The following DCC variants were observed in gnomAD, a reference collection of about 807,000 sequenced individuals.
DCC encodes DCC netrin 1 receptor, also known as netrin receptor DCC.
A neutral mutation model predicts 172.5 loss-of-function variants in DCC; 58 were observed. That is an observed-to-expected ratio of 0.34 (90% confidence interval 0.27 to 0.42). The LOEUF is 0.42. Among genes scored for constraint, DCC ranks in the 10% least tolerant of loss-of-function variants. The pLI, the probability that DCC is intolerant of heterozygous loss-of-function variation, is 1.00. For missense variants in DCC, 1,740 were observed against 1,791.0 expected (o/e 0.97, Z 0.51); for synonymous variants, 709 against 644.5 (o/e 1.10, Z -1.52).
At chr18:53,082,987 A>G (rs1476723060) in intron 7 of DCC, among the ~76,000 whole-genome samples, 1 of 151,706 alleles carries the variant, frequency 6.6e-6, no homozygotes, top group Non-Finnish European at 1.5e-5. Context: ...TTTGTTCTTC[A>G]TGCTAGATTC....
chr18:53,372,071 TAAAAG>T (rs1326946678), intron 15 of DCC, among the ~76,000 whole-genome samples: 2 of 152,066 alleles, frequency 1.3e-5, no homozygotes, highest in Non-Finnish European at 2.9e-5. Flanking sequence ...TCAAAGGACT[TAAAAG>T]AGAATTACCA....
At chr18:52,819,441 T>C (rs1192125214) in intron 2 of DCC, among the ~76,000 whole-genome samples, 1 of 152,198 alleles carries the variant, frequency 6.6e-6, no homozygotes, top group African/African-American at 2.4e-5. Flanking sequence ...AGCTGAAAAT[T>C]ATATATCTGG....
At chr18:52,980,261 G>A (rs2041188107) in intron 5 of DCC, among the ~76,000 whole-genome samples, 2 of 152,120 alleles carry the variant, frequency 1.3e-5, no homozygotes, top group South Asian at 4.2e-4. Context: ...CATGGTCTGT[G>A]CAATGCATTG....
chr18:52,752,186 A>G lies in DCC; in HGVS notation c.224A>G (p.Lys75Arg). 6 of 1,614,180 alleles carry G rather than the reference A, an allele frequency of 3.7e-6. No homozygotes were observed. Among genetic ancestry groups the G allele is most frequent in the Non-Finnish European group, 5.1e-6 (6 of 1,180,036 alleles). Residue 75 changes from lysine (K) to arginine (R), a missense_variant, in exon 2 of 29, where the codon AAG becomes AGG. Around this residue, in one of 2 missense-constraint regions of DCC, gnomAD observed 1,732 missense variants for 1,767.4 expected, o/e 0.98. Transcript: ENST00000442544. The part of the protein sequence containing the change: ...SDRGVPVIKW[K>R]KDGIHLALGM... Reference sequence around the variant, plus strand: ...CGAGGAGTTCCAGTGATCAAGTGGAAGAAAGATGGCATTCATCTGGCCTTG... The same window carrying G: ...CGAGGAGTTCCAGTGATCAAGTGGAGGAAAGATGGCATTCATCTGGCCTTG...
At chr18:53,132,791 C>T (rs928077946) in intron 7 of DCC, among the ~76,000 whole-genome samples, 1 of 152,060 alleles carries the variant, frequency 6.6e-6, no homozygotes, top group Non-Finnish European at 1.5e-5. Flanking sequence ...GTAGCAATTC[C>T]AGAGTCCTCC....
chr18:52,683,326 G>T, intron 1 of DCC, among the ~76,000 whole-genome samples: 1 of 152,088 alleles, frequency 6.6e-6, no homozygotes, highest in Non-Finnish European at 1.5e-5. Flanking sequence ...GGAGTGGGCA[G>T]TTGGTATTCT....
intron 27 of DCC, among the ~76,000 whole-genome samples, chr18:53,501,851 T>C (rs1397404788): frequency 6.6e-6 from 1 of 151,250 alleles, no homozygotes; most frequent in Non-Finnish European, 1.5e-5. Flanking sequence ...GATTTGATGA[T>C]AGATGGAGCA....
chr18:52,819,113 A>G (rs1040087453), intron 2 of DCC, among the ~76,000 whole-genome samples: 2 of 152,158 alleles, frequency 1.3e-5, no homozygotes, highest in African/African-American at 4.8e-5. Flanking sequence ...TTTTGCATGT[A>G]GGTAACCCCT....
chr18:53,240,026 T>TAAAAAAAAAAAAAAAAAAAAAAAAAAAAA (rs68158437), intron 12 of DCC, among the ~76,000 whole-genome samples: 2 of 69,072 alleles, frequency 2.9e-5, no homozygotes, highest in Non-Finnish European at 6.0e-5. Flanking sequence ...GTTCTAGAGT[T>TAAAAAAAAAAAAAAAAAAAAAAAAAAAAA]AAAAAAAAAA....
intron 1 of DCC, among the ~76,000 whole-genome samples, chr18:52,341,256 C>G (rs576001707): frequency 3.9e-5 from 6 of 152,210 alleles, no homozygotes; most frequent in African/African-American, 1.4e-4. Flanking sequence ...ATTGGGGCAA[C>G]AGGAGCAGGC....
intron 5 of DCC, among the ~76,000 whole-genome samples, chr18:52,946,397 CT>C (rs2040545623): frequency 6.6e-6 from 1 of 152,192 alleles, no homozygotes; most frequent in South Asian, 2.1e-4. Context: ...TATTTCCCTT[CT>C]GTACTACGTA....
chr18:52,420,180 C>T (rs767260936), intron 1 of DCC, among the ~76,000 whole-genome samples: 7 of 152,126 alleles, frequency 4.6e-5, no homozygotes, highest in Non-Finnish European at 7.3e-5. Context: ...GGGGATGTTG[C>T]ATAGATTGGG....
intron 15 of DCC, among the ~76,000 whole-genome samples, chr18:53,340,344 A>G (rs2057644437): frequency 6.6e-6 from 1 of 152,194 alleles, no homozygotes; most frequent in South Asian, 2.1e-4. Flanking sequence ...TTTAACCTTG[A>G]AATATCTAGT....
intron 1 of DCC, chr18:52,419,356 T>C (rs1364939001): frequency 6.6e-6 from 1 of 152,128 alleles, no homozygotes; most frequent in African/African-American, 2.4e-5. Context: ...AAGCAGCTAC[T>C]GGCAATGCAC....
intron 27 of DCC, among the ~76,000 whole-genome samples, chr18:53,524,958 T>C (rs962970851): frequency 2.3e-4 from 35 of 151,932 alleles, no homozygotes; most frequent in African/African-American, 8.0e-4. Context: ...AATAGTAATA[T>C]ATAATATTAT....
chr18:53,209,358 C>T (rs2055710062), intron 11 of DCC, among the ~76,000 whole-genome samples: 2 of 152,076 alleles, frequency 1.3e-5, no homozygotes, highest in African/African-American at 4.8e-5. Flanking sequence ...TAGCGATAGG[C>T]CCTTGTGAAT....
At chr18:52,444,920 G>A (rs1988075694) in intron 1 of DCC, among the ~76,000 whole-genome samples, 1 of 152,168 alleles carries the variant, frequency 6.6e-6, no homozygotes, top group Non-Finnish European at 1.5e-5. Context: ...CAGACACACA[G>A]TGGATCACTA....
intron 19 of DCC, among the ~76,000 whole-genome samples, chr18:53,404,284 A>G (rs1368140991): frequency 2.0e-5 from 3 of 150,988 alleles, no homozygotes; most frequent in Non-Finnish European, 4.4e-5. Context: ...AAGGAAAAAT[A>G]AGTCATATTC....
chr18:52,491,139 T>A (rs1433962733), intron 1 of DCC, among the ~76,000 whole-genome samples: 2 of 152,056 alleles, frequency 1.3e-5, no homozygotes, highest in Admixed American at 6.6e-5. Context: ...TTTTACTAAG[T>A]TTTTTCCTCT....
Sources: gnomAD v4.1 joint callset for allele counts (sites outside exome capture counted in the v4.1 genomes callset) on GRCh38, gnomAD v4.1.1 for gene constraint, gnomAD v4.1.1 regional missense constraint, MANE v1.5 for transcripts, NCBI Gene and HGNC (gene_info 2026-07-23, HGNC 2026-07-21) for gene names.